SPECC1: variants seen among roughly 807,000 people sequenced by gnomAD.
The protein encoded by SPECC1 is sperm antigen with calponin homology and coiled-coil domains 1.
In SPECC1, 62 loss-of-function variants were observed where a neutral mutation model predicts 104.1. The ratio of observed to expected loss-of-function variants is 0.60; its 90% CI spans 0.49 to 0.74. The LOEUF is 0.74. SPECC1 is among the 30% of genes least tolerant of loss of function. The pLI is 0.00. For synonymous variants in SPECC1, 513 were observed against 501.6 expected (o/e 1.02, Z -0.30); for missense variants, 1,306 against 1,310.5 (o/e 1.00, Z 0.05).
intron 12 of SPECC1, among the ~76,000 whole-genome samples, chr17:20,262,796 G>A (rs2040074589): frequency 1.3e-5 from 2 of 152,148 alleles, no homozygotes; most frequent in South Asian, 4.1e-4. Context: ...CATGTCAGCA[G>A]TCAGATGTCT....
chr17:20,077,594 G>A (rs1319871298), intron 1 of SPECC1, among the ~76,000 whole-genome samples: 2 of 152,034 alleles, frequency 1.3e-5, no homozygotes, highest in African/African-American at 2.4e-5. Context: ...AGCCTCTCGA[G>A]TAGTTGGGAT....
At chr17:20,247,671 A>T (rs868439044) in intron 9 of SPECC1, among the ~76,000 whole-genome samples, 2 of 152,240 alleles carry the variant, frequency 1.3e-5, no homozygotes, top group Non-Finnish European at 2.9e-5. Flanking sequence ...AAAAGATTAC[A>T]TAATATGTGG....
intron 3 of SPECC1, among the ~76,000 whole-genome samples, chr17:20,182,676 A>G (rs1342521062): frequency 1.3e-5 from 2 of 152,238 alleles, no homozygotes; most frequent in African/African-American, 4.8e-5. Context: ...TTTGTGACTT[A>G]GTATAACATT....
chr17:20,174,613 C>T (rs576435802), intron 3 of SPECC1, among the ~76,000 whole-genome samples: 2 of 152,158 alleles, frequency 1.3e-5, no homozygotes, highest in African/African-American at 2.4e-5. Flanking sequence ...TCTCTCCCCC[C>T]CATCAGTCTT....
At chr17:20,247,090 T>TA (rs2039452504) in intron 8 of SPECC1, 129 bp from the exon 9 acceptor site, 1 of 626,884 alleles carries the variant, frequency 1.6e-6, no homozygotes, top group Non-Finnish European at 2.7e-6. Flanking sequence ...AAAAGGATAA[T>TA]AGAGTAAATA....
At chr17:20,207,216 C>CGA (rs1013814546) in intron 4 of SPECC1, among the ~76,000 whole-genome samples, 1 of 152,142 alleles carries the variant, frequency 6.6e-6, no homozygotes, top group African/African-American at 2.4e-5. Context: ...AGATTTTTCT[C>CGA]CACTGCTTCG....
intron 1 of SPECC1, among the ~76,000 whole-genome samples, chr17:20,070,412 A>G (rs1207481098): frequency 2.6e-5 from 4 of 152,156 alleles, no homozygotes; most frequent in Non-Finnish European, 5.9e-5. Flanking sequence ...GGCAAATTAT[A>G]CTGATTGATT....
At position 20,236,839 on chromosome 17, in the gene SPECC1, C is replaced by A. The variant is rs971344773; in HGVS notation, c.2351+4434C>A. 4 of 1,613,716 alleles carry A rather than the reference C, an allele frequency of 2.5e-6. No homozygotes were observed. In the African/African-American group the frequency reaches 5.3e-5, roughly 22 times the overall value. ...TAGGTAACTCCTTTACAGCCTCTCC[C>A]TCCCGTTTCTATTTTCACAGCTCCC... is the stretch of plus-strand genomic sequence containing the variant. On this transcript the variant is annotated intron_variant, in intron 7 of 14. Transcript: ENST00000395527.
chr17:20,199,348 A>C (rs969558507), intron 3 of SPECC1, among the ~76,000 whole-genome samples: 3 of 146,890 alleles, frequency 2.0e-5, no homozygotes, highest in Non-Finnish European at 4.5e-5. Flanking sequence ...CGGCCTCCCA[A>C]AGTGCTGGAA....
chr17:20,304,919 A>G (rs1466324741), intron 13 of SPECC1, among the ~76,000 whole-genome samples: 1 of 152,138 alleles, frequency 6.6e-6, no homozygotes, highest in Non-Finnish European at 1.5e-5. Context: ...GCAAGAGGCC[A>G]GATGAGAAGG....
At chr17:20,277,449 G>A (rs2040610011) in intron 12 of SPECC1, among the ~76,000 whole-genome samples, 2 of 152,182 alleles carry the variant, frequency 1.3e-5, no homozygotes, top group Admixed American at 1.3e-4. Flanking sequence ...GGGAGGATCT[G>A]TTTTTGCCAA....
chr17:20,168,714 C>T (rs2033855257), intron 3 of SPECC1, among the ~76,000 whole-genome samples: 1 of 152,078 alleles, frequency 6.6e-6, no homozygotes, highest in Admixed American at 6.5e-5. Context: ...GAACTTATGG[C>T]AATTTAGTAA....
intron 1 of SPECC1, among the ~76,000 whole-genome samples, chr17:20,087,732 C>T (rs2047230468): frequency 6.6e-6 from 1 of 152,212 alleles, no homozygotes; most frequent in South Asian, 2.1e-4. Context: ...CCTGCTATCA[C>T]GGACCTTCCC....
chr17:20,282,445 T>C lies in SPECC1; in HGVS notation c.2941-14516T>C, dbSNP rs532457100. Among the ~76,000 whole-genome samples the C allele has an allele frequency of 1.4e-4, 21 of 152,328 alleles. No individual in the cohort carries two copies. The East Asian group carries it at 4.0e-3, about 29-fold the overall frequency. Reference sequence around the variant, plus strand: ...TGGATAAAAGAGTGGGAGGAACATTTAAAAAGTGAATTATTCCAAATTAGT... The same window carrying C: ...TGGATAAAAGAGTGGGAGGAACATTCAAAAAGTGAATTATTCCAAATTAGT... On this transcript the variant is annotated intron_variant, in intron 12 of 14. Transcript: ENST00000395527.
At chr17:20,239,894 T>G (rs2039117765) in intron 7 of SPECC1, among the ~76,000 whole-genome samples, 1 of 129,664 alleles carries the variant, frequency 7.7e-6, no homozygotes, top group Non-Finnish European at 1.6e-5. Context: ...TTTTTTTTTT[T>G]TTTTTTTTTT....
At chr17:20,091,582 C>G (rs2047403095) in intron 1 of SPECC1, among the ~76,000 whole-genome samples, 1 of 152,192 alleles carries the variant, frequency 6.6e-6, no homozygotes, top group Non-Finnish European at 1.5e-5. Flanking sequence ...GCCCATTGGG[C>G]TTAGAACTAC....
At chr17:20,245,811 A>G in intron 7 of SPECC1, 115 bp from the exon 8 acceptor site, 2 of 1,225,254 alleles carry the variant, frequency 1.6e-6, no homozygotes, top group East Asian at 2.5e-5. Context: ...TAAATTCAGA[A>G]TTTCCCTTCC....
chr17:20,136,623 C>G (rs2030010525), intron 3 of SPECC1, among the ~76,000 whole-genome samples: 1 of 152,178 alleles, frequency 6.6e-6, no homozygotes, highest in Non-Finnish European at 1.5e-5. Flanking sequence ...AATGTGGTAT[C>G]TTTCTAGAAC....
At chr17:20,309,815 C>CTTTTT (rs763244105) in intron 14 of SPECC1, among the ~76,000 whole-genome samples, 49 of 103,328 alleles carry the variant, frequency 4.7e-4, no homozygotes, top group African/African-American at 1.1e-3. Flanking sequence ...TTCTCCTTTT[C>CTTTTT]TTTTTTTTTT....
Sources: allele counts gnomAD v4.1 joint callset (sites outside exome capture counted in the v4.1 genomes callset), GRCh38; gene constraint gnomAD v4.1.1; transcripts MANE v1.5; gene names NCBI Gene and HGNC (gene_info 2026-07-23, HGNC 2026-07-21).